Variants in GRID1 observed in about 807,000 individuals in gnomAD.
The protein encoded by GRID1 is glutamate ionotropic receptor delta type subunit 1.
GRID1 carries 28 observed loss-of-function variants against 98.0 expected under a neutral mutation model. The ratio of observed to expected loss-of-function variants is 0.29; its 90% CI spans 0.21 to 0.39. The LOEUF (loss-of-function observed/expected upper bound fraction) is 0.39. GRID1 is among the 10% of genes least tolerant of loss of function. The probability of loss-of-function intolerance (pLI) is 1.00; values close to 1 mark genes in which losing one functional copy is unlikely to be tolerated. For synonymous variants in GRID1, 553 were observed against 538.5 expected, an observed-to-expected ratio of 1.03 and a Z score of -0.37; for missense variants, 1,111 against 1,340.5, an observed-to-expected ratio of 0.83 and a Z score of 2.67.
intron 13 of GRID1, among the ~76,000 whole-genome samples, chr10:85,642,472 A>G (rs1843133716): frequency 6.6e-6 from 1 of 152,180 alleles, no homozygotes; most frequent in African/African-American, 2.4e-5. Context: ...CCCTTCCACC[A>G]TGAAATCTAA....
chr10:85,856,569 T>C (rs1412322915), intron 6 of GRID1, among the ~76,000 whole-genome samples: 2 of 152,136 alleles, frequency 1.3e-5, no homozygotes, highest in African/African-American at 2.4e-5. Context: ...GGCACAGCAT[T>C]TGCAAGGGCA....
chr10:86,087,508 G>C (rs1205974738), intron 4 of GRID1, among the ~76,000 whole-genome samples: 4 of 143,918 alleles, frequency 2.8e-5, no homozygotes, highest in Non-Finnish European at 4.5e-5. Context: ...GTGTGTGTGT[G>C]TCTGTGTGTG....
At chr10:86,132,613 G>A (rs1844854708) in intron 4 of GRID1, among the ~76,000 whole-genome samples, 1 of 152,212 alleles carries the variant, frequency 6.6e-6, no homozygotes, top group Non-Finnish European at 1.5e-5. Context: ...AGCTCTGAGT[G>A]ATAAAGTCGT....
chr10:86,165,817 G>A (rs1460201904), intron 3 of GRID1, among the ~76,000 whole-genome samples: 1 of 152,166 alleles, frequency 6.6e-6, no homozygotes, highest in Non-Finnish European at 1.5e-5. Flanking sequence ...AGACGGCGCT[G>A]TGAGTGGCTG....
At chr10:86,168,798 C>T (rs1845438425) in intron 3 of GRID1, among the ~76,000 whole-genome samples, 1 of 152,120 alleles carries the variant, frequency 6.6e-6, no homozygotes, top group Non-Finnish European at 1.5e-5. Flanking sequence ...ACCCACTTAC[C>T]CTGGGGGACA....
intron 4 of GRID1, among the ~76,000 whole-genome samples, chr10:85,959,574 G>C (rs899495262): frequency 7.0e-6 from 1 of 143,238 alleles, no homozygotes; most frequent in African/African-American, 2.5e-5. Context: ...GCTTTCTGTA[G>C]CTCAAGATCA....
chr10:86,309,369 G>A (rs1030075649), intron 2 of GRID1, among the ~76,000 whole-genome samples: 1 of 152,166 alleles, frequency 6.6e-6, no homozygotes, highest in African/African-American at 2.4e-5. Context: ...GAGCAGTGTT[G>A]GGTCTTGTCA....
At chr10:85,652,159 T>C (rs1259581037) in intron 12 of GRID1, among the ~76,000 whole-genome samples, 2 of 152,212 alleles carry the variant, frequency 1.3e-5, no homozygotes, top group African/African-American at 4.8e-5. Context: ...CCTTCAGCTG[T>C]GGCCGAGGAT....
At chr10:85,805,709 A>G (rs1020438727) in intron 8 of GRID1, among the ~76,000 whole-genome samples, 2 of 151,930 alleles carry the variant, frequency 1.3e-5, no homozygotes, top group Non-Finnish European at 3.0e-5. Context: ...TTTTCAACAA[A>G]GATCCCAAAG....
At chr10:86,167,852 GAGA>G (rs1269548731) in intron 3 of GRID1, among the ~76,000 whole-genome samples, 1 of 151,976 alleles carries the variant, frequency 6.6e-6, no homozygotes, top group East Asian at 1.9e-4. Context: ...AGACATCTGT[GAGA>G]AGAAGACGCT....
chr10:85,752,118 G>A (rs932546369), intron 8 of GRID1, among the ~76,000 whole-genome samples: 1 of 152,160 alleles, frequency 6.6e-6, no homozygotes, highest in African/African-American at 2.4e-5. Flanking sequence ...GTATCTTTAT[G>A]AGCCTTGTAA....
intron 2 of GRID1, among the ~76,000 whole-genome samples, chr10:86,332,061 G>GT (rs1848150643): frequency 6.6e-6 from 1 of 152,224 alleles, no homozygotes; most frequent in Non-Finnish European, 1.5e-5. Context: ...ACCTGCCAAT[G>GT]TGAGACCATT....
chr10:85,966,014 T>C (rs1180396588), intron 4 of GRID1, among the ~76,000 whole-genome samples: 1 of 152,094 alleles, frequency 6.6e-6, no homozygotes, highest in Non-Finnish European at 1.5e-5. Context: ...AGCTACAAGA[T>C]GGGGTGGGAA....
intron 8 of GRID1, among the ~76,000 whole-genome samples, chr10:85,847,584 T>G (rs1490965231): frequency 6.6e-6 from 1 of 152,146 alleles, no homozygotes; most frequent in African/African-American, 2.4e-5. Context: ...AATGTGATAT[T>G]CAAGTCAATA....
At chr10:86,135,009 T>C (rs1844899350) in intron 4 of GRID1, among the ~76,000 whole-genome samples, 1 of 152,124 alleles carries the variant, frequency 6.6e-6, no homozygotes, top group Non-Finnish European at 1.5e-5. Context: ...CAGTAAATGC[T>C]GGAGAAGTGA....
At chr10:85,746,079 G>T (rs1032177503) in intron 8 of GRID1, among the ~76,000 whole-genome samples, 1 of 152,132 alleles carries the variant, frequency 6.6e-6, no homozygotes, top group Admixed American at 6.5e-5. Flanking sequence ...TCCTATCACT[G>T]CCTTACCTTC....
intron 5 of GRID1, among the ~76,000 whole-genome samples, chr10:85,902,181 T>G (rs1841398118): frequency 1.3e-5 from 2 of 152,230 alleles, no homozygotes; most frequent in South Asian, 4.1e-4. Context: ...TGCCTGAAAC[T>G]GCAGATAGTA....
At chr10:86,197,747 G>A (rs1048621221) in intron 3 of GRID1, among the ~76,000 whole-genome samples, 7 of 151,982 alleles carry the variant, frequency 4.6e-5, no homozygotes, top group African/African-American at 1.7e-4. Flanking sequence ...GTCTCCAGAC[G>A]CACTCTGGAA....
intron 4 of GRID1, among the ~76,000 whole-genome samples, chr10:86,128,748 A>G (rs988239028): frequency 2.6e-5 from 4 of 152,198 alleles, no homozygotes; most frequent in African/African-American, 9.7e-5. Flanking sequence ...GCCCAGGGTC[A>G]CAGAAGATTT....
Sources: gnomAD v4.1 joint callset for allele counts (sites outside exome capture counted in the v4.1 genomes callset) on GRCh38, gnomAD v4.1.1 for gene constraint, MANE v1.5 for transcripts, NCBI Gene and HGNC (gene_info 2026-07-23, HGNC 2026-07-21) for gene names.